The following PET117 variants were observed in gnomAD, a reference collection of about 807,000 sequenced individuals.
PET117 encodes PET117 cytochrome c oxidase chaperone.
A neutral mutation model predicts 9.2 loss-of-function variants in PET117; 10 were observed. The ratio of observed to expected loss-of-function variants is 1.09; its 90% CI spans 0.67 to 1.85. PET117 has a LOEUF of 1.85. Among genes scored for constraint, PET117 ranks in the 40% most tolerant of loss-of-function variants. The probability of loss-of-function intolerance (pLI) is 0.00; values close to 1 mark genes in which losing one functional copy is unlikely to be tolerated. For synonymous variants in PET117, 43 were observed against 37.1 expected, an observed-to-expected ratio of 1.16 and a Z score of -0.57; for missense variants, 96 against 98.2, an observed-to-expected ratio of 0.98 and a Z score of 0.09.
chr20:18,141,876 A>T (rs1220545253), intron 1 of PET117, among the ~76,000 whole-genome samples: 1 of 151,732 alleles, frequency 6.6e-6, no homozygotes, highest in African/African-American at 2.4e-5. Context: ...ACAGAGCGAG[A>T]CTCTTGTCTC....
Position 18,143,030 on chromosome 20 carries a change from T to C in PET117, c.*673T>C. ...AGAGACCTAAATAAAAGGATAATTA[T>C]ATTTATTCTCTAGTTGATCAGCTAT... is the stretch of plus-strand genomic sequence containing the variant. On this transcript the variant is annotated 3_prime_UTR_variant, in exon 2 of 2. Transcript: ENST00000432901. The C allele has an allele frequency of 1.4e-6, 2 of 1,457,594 alleles. No individual in the cohort carries two copies. The highest frequency in any genetic ancestry group is 1.8e-6 in the Non-Finnish European group (2 of 1,105,374). 90.3% of individuals were successfully genotyped at this position (1,457,594 alleles called of 1,614,324 possible). A position where few individuals can be genotyped will look rare whatever the true frequency, so the allele number is the denominator to read the frequency against.
chr20:18,142,415 G>T lies in PET117; in HGVS notation c.*58G>T. ...ACGAGTTTGTGTGTGTGTGTTGATGGAGAGTAGCTTAGTAGTATCTTCATC... is the reference window on the plus strand; with the variant it reads ...ACGAGTTTGTGTGTGTGTGTTGATGTAGAGTAGCTTAGTAGTATCTTCATC... On this transcript the variant is annotated 3_prime_UTR_variant, in exon 2 of 2. Transcript: ENST00000432901. 6.6e-7 allele frequency: 1 copy of T among 1,505,850 alleles called. No homozygotes were observed. The highest frequency in any genetic ancestry group is 1.4e-5 in the African/African-American group (1 of 71,398). 93.3% of individuals were successfully genotyped at this position (1,505,850 alleles called of 1,614,324 possible).
intron 1 of PET117, 36 bp from the exon 2 acceptor site, chr20:18,142,172 C>A (rs888716284): frequency 2.0e-6 from 3 of 1,527,710 alleles, no homozygotes; most frequent in Non-Finnish European, 2.6e-6. Context: ...ACCACCTGTT[C>A]GGGATGTTAC....
chr20:18,140,236 C>G (rs2037479438), intron 1 of PET117, among the ~76,000 whole-genome samples: 1 of 151,378 alleles, frequency 6.6e-6, no homozygotes, highest in African/African-American at 2.4e-5. Flanking sequence ...GGAAGACCTG[C>G]AGTTGGGGGA....
intron 1 of PET117, among the ~76,000 whole-genome samples, chr20:18,141,220 T>TA (rs2037563333): frequency 6.6e-6 from 1 of 151,816 alleles, no homozygotes; most frequent in Non-Finnish European, 1.5e-5. Flanking sequence ...CAATAAACTA[T>TA]AAAATGTTAG....
At chr20:18,138,572 C>T in intron 1 of PET117, 1 of 531,690 alleles carries the variant, frequency 1.9e-6, no homozygotes, top group Non-Finnish European at 2.4e-6. Flanking sequence ...AGCCCCCCTT[C>T]CCCGTACTCA....
chr20:18,139,469 G>C (rs1011055604), intron 1 of PET117, among the ~76,000 whole-genome samples: 4 of 152,088 alleles, frequency 2.6e-5, no homozygotes, highest in Admixed American at 2.0e-4. Flanking sequence ...ACTAAGGCTT[G>C]GTCCCCACCC....
At position 18,143,000 on chromosome 20, in the gene PET117, G is replaced by A. The variant is rs11906677; in HGVS notation, c.*643G>A. ...TCCAACCTGTGAAAGAAACGTGAATGTAAAAGAGACCTAAATAAAAGGATA... is the reference window on the plus strand; with the variant it reads ...TCCAACCTGTGAAAGAAACGTGAATATAAAAGAGACCTAAATAAAAGGATA... On this transcript the variant is annotated 3_prime_UTR_variant, in exon 2 of 2. Transcript: ENST00000432901. The A allele has an allele frequency of 1.8e-3, 2,724 of 1,538,174 alleles. 41 individuals carry two copies. The African/African-American group carries it at 0.032, about 18-fold the overall frequency.
Position 18,142,957 on chromosome 20 carries a change from T to C in PET117, c.*600T>C, listed in dbSNP as rs1023951006. ...TCAATTCCTTTGATTTGTCAATTCCTGTGTGAAGGTTTGTTTTTCCAACCT... is the reference window on the plus strand; with the variant it reads ...TCAATTCCTTTGATTTGTCAATTCCCGTGTGAAGGTTTGTTTTTCCAACCT... On this transcript the variant is annotated 3_prime_UTR_variant, in exon 2 of 2. Coordinates refer to ENST00000432901, the MANE Select transcript of PET117 (RefSeq NM_001164811.2). The C allele has an allele frequency of 2.5e-6, 4 of 1,598,442 alleles. No homozygotes were observed. The highest frequency in any genetic ancestry group is 3.4e-6 in the Non-Finnish European group (4 of 1,167,772).
In PET117 at chr20:18,137,878, A is replaced by C. The variant is rs963205065; in HGVS notation, c.-78A>C. 4.3e-6 allele frequency: 6 copies of C among 1,380,494 alleles called. No individual in the cohort carries two copies. In the Admixed American group the frequency reaches 1.2e-4, roughly 28 times the overall value. The allele number at this position is 1,380,494 out of a possible 1,614,324, so 85.5% of individuals were successfully genotyped here. ...TCGAGGGGTCGAGCCTGGGCAGTAC[A>C]GGCGGCGGTGCGCACTCTGCGGCGG... On this transcript the variant is annotated 5_prime_UTR_variant, in exon 1 of 2. Coordinates refer to ENST00000432901, the MANE Select transcript of PET117 (RefSeq NM_001164811.2).
At chr20:18,140,818 C>CAAAAAAAAAA (rs1157203058) in intron 1 of PET117, among the ~76,000 whole-genome samples, 1 of 78,990 alleles carries the variant, frequency 1.3e-5, no homozygotes, top group Non-Finnish European at 2.3e-5. Flanking sequence ...GACTCCTTCT[C>CAAAAAAAAAA]AAAAAAAAAA....
intron 1 of PET117, chr20:18,138,318 G>A: frequency 8.6e-7 from 1 of 1,163,638 alleles, no homozygotes; most frequent in Non-Finnish European, 1.1e-6. Context: ...CGCGCTGAAG[G>A]GGCCTTGCTC....
intron 1 of PET117, among the ~76,000 whole-genome samples, chr20:18,141,139 A>G (rs1187420376): frequency 6.7e-6 from 1 of 149,430 alleles, no homozygotes; most frequent in Non-Finnish European, 1.5e-5. Context: ...TTGGCCTAAG[A>G]TTACAGGAGT....
At chr20:18,140,645 A>G (rs2037498938) in intron 1 of PET117, among the ~76,000 whole-genome samples, 1 of 151,760 alleles carries the variant, frequency 6.6e-6, no homozygotes, top group Non-Finnish European at 1.5e-5. Flanking sequence ...CCCCGTCTCT[A>G]CTAAAAATAC....
chr20:18,140,826 AAAAAAAAAAAC>A (rs2037513341), intron 1 of PET117, among the ~76,000 whole-genome samples: 2 of 149,582 alleles, frequency 1.3e-5, no homozygotes, highest in East Asian at 3.9e-4. Flanking sequence ...CTCAAAAAAA[AAAAAAAAAAAC>A]CAATAAAACA....
chr20:18,142,624 T>TGG lies in PET117; in HGVS notation c.*267_*268insGG. On this transcript the variant is annotated 3_prime_UTR_variant, in exon 2 of 2. Coordinates refer to ENST00000432901, the MANE Select transcript of PET117 (RefSeq NM_001164811.2). ...GTCACTGTCCAGTGCTTAGGGTTGT[T>TGG]ACTGAGAAGCACTGCCGAGCTTGTG... The TGG allele has an allele frequency of 6.2e-7, 1 of 1,612,428 alleles. No homozygotes were observed. The highest frequency in any genetic ancestry group is 1.1e-5 in the South Asian group (1 of 90,896).
intron 1 of PET117, 28 bp downstream of exon 1, chr20:18,138,079 G>A (rs1388637399): frequency 6.9e-7 from 1 of 1,445,532 alleles, no homozygotes; most frequent in Non-Finnish European, 9.1e-7. Context: ...GTCTCTTCCG[G>A]GCCCGCGCGC....
chr20:18,140,596 G>A (rs1166092594), intron 1 of PET117, among the ~76,000 whole-genome samples: 1 of 151,774 alleles, frequency 6.6e-6, no homozygotes, highest in Non-Finnish European at 1.5e-5. Flanking sequence ...GATCATTTGA[G>A]GTCAGGAGTT....
Position 18,142,689 on chromosome 20 carries a change from T to G in PET117, c.*332T>G, listed in dbSNP as rs1189135809. 1 of 1,614,184 alleles carries G rather than the reference T, an allele frequency of 6.2e-7. No individual in the cohort carries two copies. On this transcript the variant is annotated 3_prime_UTR_variant, in exon 2 of 2. Coordinates refer to ENST00000432901, the MANE Select transcript of PET117 (RefSeq NM_001164811.2). ...GATAGTAGCATCCACCTGAGTAGTC[T>G]GATCAGTCGGCATGATGACGAAGCC...
Sources: allele counts gnomAD v4.1 joint callset (sites outside exome capture counted in the v4.1 genomes callset), GRCh38; gene constraint gnomAD v4.1.1; transcripts MANE v1.5; gene names NCBI Gene and HGNC (gene_info 2026-07-23, HGNC 2026-07-21).